The following CLDN14 variants were observed in gnomAD, a reference collection of about 807,000 sequenced individuals.
CLDN14 encodes the protein claudin 14.
Under a neutral mutation model 2.1 loss-of-function variants are expected in CLDN14, and 2 were observed. The ratio of observed to expected loss-of-function variants is 0.96; its 90% CI spans 0.39 to 3.01. CLDN14 has a LOEUF of 3.01. CLDN14 is among the 30% of genes most tolerant of loss of function. CLDN14 has a pLI of 0.09. For synonymous variants in CLDN14, 136 were observed against 154.4 expected (o/e 0.88, Z 0.88); for missense variants, 298 against 328.0 (o/e 0.91, Z 0.71).
intron 1 of CLDN14, among the ~76,000 whole-genome samples, chr21:36,563,717 G>A (rs2087653553): frequency 6.6e-6 from 1 of 152,170 alleles, no homozygotes; most frequent in African/African-American, 2.4e-5. Flanking sequence ...ACCTCATGGT[G>A]GGGATAGTGG....
At chr21:36,562,251 C>T (rs1044448763) in intron 1 of CLDN14, among the ~76,000 whole-genome samples, 7 of 152,082 alleles carry the variant, frequency 4.6e-5, no homozygotes, top group African/African-American at 1.4e-4. Flanking sequence ...GGAAATCTGG[C>T]AGGGTATGGC....
chr21:36,539,550 AGT>A (rs1170795807), intron 1 of CLDN14, among the ~76,000 whole-genome samples: 3 of 117,388 alleles, frequency 2.6e-5, no homozygotes, highest in Non-Finnish European at 5.3e-5. Flanking sequence ...GTGTGTGTGG[AGT>A]GTGTGTGGAG....
At chr21:36,496,646 C>T (rs537429418) in intron 2 of CLDN14, among the ~76,000 whole-genome samples, 101 of 137,134 alleles carry the variant, frequency 7.4e-4, no homozygotes, top group African/African-American at 2.4e-3. Flanking sequence ...TCAGGATACC[C>T]GCCCAGCCAA....
chr21:36,505,827 C>T (rs1051432656), intron 2 of CLDN14, among the ~76,000 whole-genome samples: 3 of 152,154 alleles, frequency 2.0e-5, no homozygotes, highest in Admixed American at 6.5e-5. Context: ...CAAAGCCAGC[C>T]GGCTTGGATG....
At chr21:36,476,541 C>T (rs893817324) in intron 1 of CLDN14, among the ~76,000 whole-genome samples, 1 of 152,204 alleles carries the variant, frequency 6.6e-6, no homozygotes, top group African/African-American at 2.4e-5. Context: ...CAACCTCCGC[C>T]TCCCAGGTTC....
In CLDN14 at chr21:36,477,795, GT is replaced by G. The variant is rs1188652544; in HGVS notation, c.-82+1699del. On this transcript the variant is annotated intron_variant, in intron 1 of 1. Coordinates refer to ENST00000399135, the MANE Select transcript of CLDN14 (RefSeq NM_001146079.2). ...GAGCCCTCTCAGCAAATGGCCCAGA[GT>G]AGAAAATTCCCCACACTATGTTGCT... Among the ~76,000 whole-genome samples, 11 of 152,338 alleles carry G rather than the reference GT, an allele frequency of 7.2e-5. No individual in the cohort carries two copies. In the East Asian group the frequency reaches 1.9e-3, roughly 27 times the overall value.
intron 2 of CLDN14, among the ~76,000 whole-genome samples, chr21:36,492,701 A>G (rs534169483): frequency 1.1e-3 from 173 of 152,326 alleles, no homozygotes; most frequent in African/African-American, 4.1e-3. Flanking sequence ...CTTACAAAAA[A>G]AGGATAGGCA....
intron 1 of CLDN14, among the ~76,000 whole-genome samples, chr21:36,550,308 G>T (rs571565138): frequency 6.6e-6 from 1 of 152,246 alleles, no homozygotes; most frequent in Non-Finnish European, 1.5e-5. Flanking sequence ...ACATGCAGCG[G>T]GTCTTGGGAG....
At chr21:36,543,711 C>CAA (rs1447641108) in intron 1 of CLDN14, among the ~76,000 whole-genome samples, 2 of 152,004 alleles carry the variant, frequency 1.3e-5, no homozygotes, top group African/African-American at 4.8e-5. Flanking sequence ...AATGGCGGAG[C>CAA]TGCGACTTGA....
chr21:36,526,318 A>C (rs2087329104), intron 1 of CLDN14: 1 of 152,264 alleles, frequency 6.6e-6, no homozygotes, highest in Non-Finnish European at 1.5e-5. Context: ...AACAGGCAGC[A>C]GGGCAGGTTT....
intron 2 of CLDN14, among the ~76,000 whole-genome samples, chr21:36,502,452 C>G (rs936151130): frequency 6.6e-6 from 1 of 152,186 alleles, no homozygotes; most frequent in Non-Finnish European, 1.5e-5. Flanking sequence ...AGTTCACTTT[C>G]AGCCATGAAA....
At chr21:36,475,281 A>G (rs1192231952) in intron 1 of CLDN14, among the ~76,000 whole-genome samples, 1 of 152,244 alleles carries the variant, frequency 6.6e-6, no homozygotes, top group Non-Finnish European at 1.5e-5. Flanking sequence ...AGGTGTGAAC[A>G]TCATGGCGGG....
chr21:36,554,069 C>G (rs1426924566), intron 1 of CLDN14, among the ~76,000 whole-genome samples: 1 of 152,130 alleles, frequency 6.6e-6, no homozygotes, highest in African/African-American at 2.4e-5. Flanking sequence ...CGTGCCTTGC[C>G]CCTGCCCAAG....
chr21:36,493,806 G>A (rs950364127), intron 2 of CLDN14, among the ~76,000 whole-genome samples: 4 of 152,158 alleles, frequency 2.6e-5, no homozygotes, highest in South Asian at 4.1e-4. Flanking sequence ...GCTGGAGGAA[G>A]GTGGGATGGA....
At chr21:36,497,649 C>T (rs563265533) in intron 2 of CLDN14, among the ~76,000 whole-genome samples, 6 of 152,238 alleles carry the variant, frequency 3.9e-5, no homozygotes, top group Non-Finnish European at 7.4e-5. Flanking sequence ...AAAGCCGGAA[C>T]GAAGCCCAGA....
chr21:36,545,947 C>CCCTCCCT (rs2087523591), intron 1 of CLDN14, among the ~76,000 whole-genome samples: 1 of 152,162 alleles, frequency 6.6e-6, no homozygotes, highest in African/African-American at 2.4e-5. Flanking sequence ...AGCCCTTCAG[C>CCCTCCCT]CCTCCCTCCA....
intron 1 of CLDN14, among the ~76,000 whole-genome samples, chr21:36,573,267 C>A (rs9982036): frequency 0.14 from 21,471 of 148,706 alleles, 1,721 homozygotes; most frequent in Non-Finnish European, 0.19. Flanking sequence ...TGCCAATGCA[C>A]TCCAGCCTGG....
chr21:36,466,264 A>G (rs1488580416), intron 1 of CLDN14: 3 of 152,276 alleles, frequency 2.0e-5, no homozygotes. Flanking sequence ...GGACTTGGCA[A>G]TGGTGAGATA....
chr21:36,569,081 A>G (rs1235465009), intron 1 of CLDN14, among the ~76,000 whole-genome samples: 1 of 152,250 alleles, frequency 6.6e-6, no homozygotes, highest in African/African-American at 2.4e-5. Flanking sequence ...ATTTTATTTC[A>G]AAACCCCCAG....
Sources: allele counts gnomAD v4.1 joint callset (sites outside exome capture counted in the v4.1 genomes callset), GRCh38; gene constraint gnomAD v4.1.1; transcripts MANE v1.5; gene names NCBI Gene and HGNC (gene_info 2026-07-23, HGNC 2026-07-21).